The following OTOGL variants were observed in gnomAD, a reference collection of about 807,000 sequenced individuals.
OTOGL encodes the protein otogelin like, also known as otogelin-like protein.
OTOGL carries 285 observed loss-of-function variants against 318.5 expected under a neutral mutation model. The observed-to-expected ratio is 0.89, with a 90% confidence interval of 0.81 to 0.99. The LOEUF (loss-of-function observed/expected upper bound fraction) is 0.99, where lower values mean the gene tolerates loss of function less well. OTOGL is among the 50% of genes least tolerant of loss of function. The pLI is 0.00. For synonymous variants in OTOGL, 987 were observed against 936.5 expected (o/e 1.05, Z -0.99); for missense variants, 2,899 against 2,845.6 (o/e 1.02, Z -0.43).
At chr12:80,254,657 T>C in intron 15 of OTOGL, 87 bp downstream of exon 15, 1 of 1,063,502 alleles carries the variant, frequency 9.4e-7, no homozygotes, top group East Asian at 2.5e-5. Context: ...TGAAGACATC[T>C]CATATATACC....
intron 11 of OTOGL, among the ~76,000 whole-genome samples, chr12:80,240,375 C>A (rs1880271376): frequency 6.6e-6 from 1 of 151,946 alleles, no homozygotes. Context: ...AATTCATAGA[C>A]CCTTTTCAAA....
chr12:80,134,701 C>G lies in OTOGL; in HGVS notation c.-20+35096C>G, dbSNP rs148058989. 2.1e-3 allele frequency among the ~76,000 whole-genome samples: 315 copies of G among 152,288 alleles called. 6 individuals are homozygous for G. The East Asian group carries it at 0.052, about 25-fold the overall frequency. The stretch of plus-strand genomic sequence containing the variant: ...TCTGCTTCTTGGCAACAATCCTCCC[C>G]CTTTCCCACCAAAGCTTACAGCATC... On this transcript the variant is annotated intron_variant, in intron 1 of 58. Transcript: ENST00000547103.
chr12:80,317,662 A>G (rs918887078), intron 32 of OTOGL, among the ~76,000 whole-genome samples: 1 of 152,122 alleles, frequency 6.6e-6, no homozygotes, highest in African/African-American at 2.4e-5. Context: ...GTATATTTGC[A>G]TCTTGGAGGT....
At position 80,333,078 on chromosome 12, in the gene OTOGL, G is replaced by C; in HGVS notation, c.4422G>C (p.Glu1474Asp). 6.3e-7 allele frequency: 1 copy of C among 1,587,538 alleles called. No homozygotes were observed. The highest frequency in any genetic ancestry group is 8.6e-7 in the Non-Finnish European group (1 of 1,162,292). ...MLTPTTGLEC[E>D]PQKFDPVYDC... is the part of the protein sequence containing the mutation. Reference sequence around the variant, plus strand: ...CACCAACTACAGGCTTGGAATGTGAGGTATGACTGAGCAATATCTTCCAGC... The same window carrying C: ...CACCAACTACAGGCTTGGAATGTGACGTATGACTGAGCAATATCTTCCAGC... Residue 1474 changes from glutamate to aspartate, a missense_variant and splice_region_variant, in exon 38 of 59, where the codon GAG becomes GAC. By Grantham distance (45) the Glu-to-Asp change is conservative. This residue lies in a region of OTOGL where 2,607 missense variants were observed against 2,524.9 expected (regional missense o/e 1.03). Coordinates refer to ENST00000547103, the MANE Select transcript of OTOGL (RefSeq NM_001378609.3).
chr12:80,169,478 A>T (rs532756876), intron 1 of OTOGL, among the ~76,000 whole-genome samples: 1 of 152,338 alleles, frequency 6.6e-6, no homozygotes, highest in Admixed American at 6.5e-5. Context: ...AAGGTCACAC[A>T]TTCTATAGTC....
chr12:80,218,791 C>CTTTTTTTTTTTTTTTT (rs1877989781), intron 5 of OTOGL, among the ~76,000 whole-genome samples: 1 of 133,534 alleles, frequency 7.5e-6, no homozygotes, highest in Non-Finnish European at 1.6e-5. Flanking sequence ...TTTTCTTTTT[C>CTTTTTTTTTTTTTTTT]TTTCTTTTTT....
At chr12:80,351,803 G>GA (rs997898630) in intron 44 of OTOGL, among the ~76,000 whole-genome samples, 6 of 151,916 alleles carry the variant, frequency 3.9e-5, no homozygotes, top group East Asian at 1.9e-4. Flanking sequence ...TATTCTATAG[G>GA]AAAAAAATGA....
intron 20 of OTOGL, chr12:80,266,185 T>A (rs1209318800): frequency 2.4e-6 from 1 of 418,066 alleles, no homozygotes; most frequent in African/African-American, 2.0e-5. Context: ...TCAACATATA[T>A]AGTTCTGCAA....
intron 1 of OTOGL, among the ~76,000 whole-genome samples, chr12:80,153,873 T>C (rs1161336167): frequency 6.6e-6 from 1 of 152,242 alleles, no homozygotes; most frequent in Non-Finnish European, 1.5e-5. Context: ...TCCATATCTT[T>C]TCATGTCTTG....
At chr12:80,171,146 T>C (rs948666531) in intron 1 of OTOGL, among the ~76,000 whole-genome samples, 1 of 152,048 alleles carries the variant, frequency 6.6e-6, no homozygotes, top group African/African-American at 2.4e-5. Flanking sequence ...TGATCAGAGC[T>C]CACTGCAGCC....
intron 1 of OTOGL, among the ~76,000 whole-genome samples, chr12:80,140,312 G>A (rs963294657): frequency 6.6e-6 from 1 of 152,116 alleles, no homozygotes; most frequent in African/African-American, 2.4e-5. Flanking sequence ...GATGTTCAGA[G>A]GTAAATTATT....
intron 26 of OTOGL, among the ~76,000 whole-genome samples, chr12:80,289,331 G>C (rs944641123): frequency 1.3e-5 from 2 of 152,134 alleles, no homozygotes; most frequent in African/African-American, 2.4e-5. Flanking sequence ...AGTGTCTGTC[G>C]ACCCCTACTA....
intron 1 of OTOGL, among the ~76,000 whole-genome samples, chr12:80,157,618 G>A (rs561699247): frequency 9.4e-4 from 143 of 152,096 alleles, no homozygotes; most frequent in Non-Finnish European, 1.7e-3. Flanking sequence ...TGAGAGATAG[G>A]GGTTTAGTTT....
At chr12:80,289,706 C>A (rs1454158266) in intron 26 of OTOGL, among the ~76,000 whole-genome samples, 1 of 152,156 alleles carries the variant, frequency 6.6e-6, no homozygotes, top group Non-Finnish European at 1.5e-5. Context: ...GAGGGGAAAA[C>A]CATCTACTCA....
Position 80,232,983 on chromosome 12 carries a change from T to C in OTOGL, c.703T>C (p.Trp235Arg), listed in dbSNP as rs758404566. 6.9e-6 allele frequency: 11 copies of C among 1,598,862 alleles called. No individual in the cohort carries two copies. The highest frequency in any genetic ancestry group is 6.7e-5 in the Admixed American group (4 of 60,006). ...VKTTFGFSLAWDGISGIYLKL... is the reference protein window; with the variant it reads ...VKTTFGFSLARDGISGIYLKL... The stretch of plus-strand genomic sequence containing the variant: ...AACAACCTTTGGCTTTTCATTGGCT[T>C]GGGACGGGATATCTGGGATCTACCT... Residue 235 changes from tryptophan to arginine, a missense_variant, in exon 9 of 59, where the codon TGG becomes CGG. Around this residue, in one of 3 missense-constraint regions of OTOGL, gnomAD observed 2,607 missense variants for 2,524.9 expected, o/e 1.03. Coordinates refer to ENST00000547103, the MANE Select transcript of OTOGL (RefSeq NM_001378609.3).
intron 1 of OTOGL, among the ~76,000 whole-genome samples, chr12:80,178,395 G>A (rs1215165199): frequency 6.7e-6 from 1 of 149,808 alleles, no homozygotes; most frequent in Non-Finnish European, 1.5e-5. Context: ...CTTTTGTTTT[G>A]GCCAACCTCA....
intron 3 of OTOGL, among the ~76,000 whole-genome samples, chr12:80,211,355 T>C (rs936505739): frequency 2.6e-5 from 4 of 152,168 alleles, no homozygotes; most frequent in Non-Finnish European, 5.9e-5. Context: ...ACTGATCTGC[T>C]TAATGAAAAG....
At chr12:80,194,276 T>C (rs1243889438) in intron 1 of OTOGL, among the ~76,000 whole-genome samples, 2 of 152,218 alleles carry the variant, frequency 1.3e-5, no homozygotes, top group Non-Finnish European at 2.9e-5. Flanking sequence ...TAAGTATGAT[T>C]CTTCAACCTT....
chr12:80,267,571 A>G (rs1329223045), intron 22 of OTOGL, among the ~76,000 whole-genome samples: 1 of 63,000 alleles, frequency 1.6e-5, no homozygotes, highest in Non-Finnish European at 2.8e-5. Context: ...CCCCCACCCC[A>G]CAACAGGCCC....
Sources: gnomAD v4.1 joint callset for allele counts (sites outside exome capture counted in the v4.1 genomes callset) on GRCh38, gnomAD v4.1.1 for gene constraint, gnomAD v4.1.1 regional missense constraint, MANE v1.5 for transcripts, NCBI Gene and HGNC (gene_info 2026-07-23, HGNC 2026-07-21) for gene names.